MTUS1: variants seen among roughly 807,000 people sequenced by gnomAD.
MTUS1 encodes the protein microtubule associated scaffold protein 1.
Under a neutral mutation model 120.8 loss-of-function variants are expected in MTUS1, and 109 were observed. That is an observed-to-expected ratio of 0.90 (90% CI 0.77 to 1.06). The LOEUF (loss-of-function observed/expected upper bound fraction) is 1.06. Ranked by LOEUF, MTUS1 falls within the 50% of genes least tolerant of loss-of-function variation. MTUS1 has a pLI of 0.00. For synonymous variants in MTUS1, 737 were observed against 550.5 expected, an observed-to-expected ratio of 1.34 and a Z score of -4.74; for missense variants, 2,210 against 1,486.3, an observed-to-expected ratio of 1.49 and a Z score of -8.01.
chr8:17,729,568 GCTATT>G (rs937326172), intron 3 of MTUS1, among the ~76,000 whole-genome samples: 2 of 152,110 alleles, frequency 1.3e-5, no homozygotes, highest in African/African-American at 2.4e-5. Context: ...TCAAAAAAGT[GCTATT>G]CTATTGTGAA....
At chr8:17,694,959 C>G (rs898919668) in intron 6 of MTUS1, among the ~76,000 whole-genome samples, 8 of 152,112 alleles carry the variant, frequency 5.3e-5, no homozygotes, top group African/African-American at 1.9e-4. Context: ...GGGCTATTCA[C>G]TTGGTCACCA....
intron 6 of MTUS1, among the ~76,000 whole-genome samples, chr8:17,695,008 G>C (rs1439424632): frequency 6.6e-6 from 1 of 152,060 alleles, no homozygotes; most frequent in East Asian, 1.9e-4. Context: ...TTGGGATCCA[G>C]GTCAACACCA....
At chr8:17,735,989 C>A (rs1464623016) in intron 3 of MTUS1, among the ~76,000 whole-genome samples, 4 of 152,178 alleles carry the variant, frequency 2.6e-5, no homozygotes, top group Non-Finnish European at 5.9e-5. Flanking sequence ...TGCTTAGACA[C>A]CCCCTTATCC....
chr8:17,708,063 T>C (rs916065567), intron 6 of MTUS1, among the ~76,000 whole-genome samples: 2 of 152,114 alleles, frequency 1.3e-5, no homozygotes, highest in African/African-American at 4.8e-5. Context: ...GTTTCTGAGA[T>C]ACAATACCAA....
At chr8:17,759,048 A>AT (rs2048839753) in intron 1 of MTUS1, among the ~76,000 whole-genome samples, 1 of 148,490 alleles carries the variant, frequency 6.7e-6, no homozygotes, top group Non-Finnish European at 1.5e-5. Flanking sequence ...TGCCCGGCTC[A>AT]TTTTCTGTAT....
At chr8:17,742,822 C>T (rs868061839) in intron 3 of MTUS1, among the ~76,000 whole-genome samples, 2 of 152,306 alleles carry the variant, frequency 1.3e-5, no homozygotes, top group Middle Eastern at 3.4e-3. Flanking sequence ...AACATTCTCA[C>T]GTGTGTGGAC....
chr8:17,689,371 C>A (rs1373315215), intron 6 of MTUS1, among the ~76,000 whole-genome samples: 1 of 140,432 alleles, frequency 7.1e-6, no homozygotes, highest in Non-Finnish European at 1.5e-5. Flanking sequence ...GGTTCTACTT[C>A]TTTTCTTCAC....
chr8:17,765,121 C>T (rs1005899146), intron 1 of MTUS1, among the ~76,000 whole-genome samples: 8 of 152,126 alleles, frequency 5.3e-5, no homozygotes, highest in East Asian at 1.9e-4. Flanking sequence ...CTCGCATGCA[C>T]AGTTCACAAT....
At chr8:17,780,295 C>T (rs1433343393) in intron 1 of MTUS1, among the ~76,000 whole-genome samples, 4 of 152,190 alleles carry the variant, frequency 2.6e-5, no homozygotes, top group Admixed American at 6.5e-5. Flanking sequence ...AAGCTGCCTG[C>T]GGCCTCATCA....
intron 3 of MTUS1, among the ~76,000 whole-genome samples, chr8:17,732,229 C>T (rs1229866435): frequency 6.6e-6 from 1 of 152,212 alleles, no homozygotes; most frequent in Admixed American, 6.5e-5. Context: ...ATCGTCAAAC[C>T]TGGAACAGCC....
chr8:17,703,940 C>A (rs1254674912), intron 6 of MTUS1: 1 of 152,232 alleles, frequency 6.6e-6, no homozygotes, highest in Non-Finnish European at 1.5e-5. Context: ...TACACCCTCT[C>A]CCCTTTTCAA....
chr8:17,657,340 G>T lies in MTUS1; in HGVS notation c.2906-1275C>A, dbSNP rs368786969. 2.0e-5 allele frequency among the ~76,000 whole-genome samples: 3 copies of T among 151,198 alleles called. No individual in the cohort carries two copies. In the South Asian group the frequency reaches 6.3e-4, roughly 32 times the overall value. ...TCCCAGCACTTTGGGAGGCCGAGGC[G>T]GGCGGATCACGAGGTCAGGAGATCG... On this transcript the variant is annotated intron_variant, in intron 8 of 14. Transcript: ENST00000693296.
At chr8:17,696,612 T>TAA (rs1818021847) in intron 6 of MTUS1, among the ~76,000 whole-genome samples, 1 of 152,200 alleles carries the variant, frequency 6.6e-6, no homozygotes, top group African/African-American at 2.4e-5. Context: ...ACCACGTGCC[T>TAA]AAAATATATA....
chr8:17,676,056 A>C lies in MTUS1; in HGVS notation c.2839-804T>G, dbSNP rs1359174252. On this transcript the variant is annotated intron_variant, in intron 7 of 14. Coordinates refer to ENST00000693296, the MANE Select transcript of MTUS1 (RefSeq NM_001363059.2). The stretch of plus-strand genomic sequence containing the variant: ...CTAGCACCAGGGAGTAACTAAAAAA[A>C]AAATGAAGAATTTCAAAGCTCGCTG... 1.0e-5 allele frequency: 6 copies of C among 575,360 alleles called. No individual in the cohort carries two copies. In the Admixed American group the frequency reaches 1.2e-4, roughly 12 times the overall value. 35.6% of individuals were successfully genotyped at this position (575,360 alleles called of 1,614,324 possible).
intron 3 of MTUS1, among the ~76,000 whole-genome samples, chr8:17,741,610 A>T (rs2047323641): frequency 1.3e-5 from 2 of 152,236 alleles, no homozygotes; most frequent in Non-Finnish European, 2.9e-5. Flanking sequence ...AACACAGAGT[A>T]AAAGGACTTA....
chr8:17,728,275 C>G (rs1422893253), intron 3 of MTUS1, among the ~76,000 whole-genome samples: 2 of 152,074 alleles, frequency 1.3e-5, no homozygotes, highest in Non-Finnish European at 2.9e-5. Flanking sequence ...CCACACCCGG[C>G]TAATTTTTTT....
chr8:17,663,035 G>C (rs549046212), intron 8 of MTUS1, among the ~76,000 whole-genome samples: 1 of 152,010 alleles, frequency 6.6e-6, no homozygotes, highest in Admixed American at 6.6e-5. Context: ...CTCCCTGACA[G>C]TTTAAATCAT....
At chr8:17,751,231 A>G (rs762089187) in intron 2 of MTUS1, among the ~76,000 whole-genome samples, 6 of 151,930 alleles carry the variant, frequency 3.9e-5, no homozygotes, top group Admixed American at 6.6e-5. Context: ...CCTGGGAGGC[A>G]GAGGTTGCAG....
rs2048572095 is a variant in MTUS1 at position 17,755,869 on chromosome 8, G to C, written c.-62C>G. ...CTTCTTCAATTCCTTTTAAATGAGA[G>C]GGTGGGCAAAATGGTCTGTCTTCTA... On this transcript the variant is annotated 5_prime_UTR_variant, in exon 2 of 15. Coordinates refer to ENST00000693296, the MANE Select transcript of MTUS1 (RefSeq NM_001363059.2). 6.5e-7 allele frequency: 1 copy of C among 1,541,512 alleles called. No individual in the cohort carries two copies. The highest frequency in any genetic ancestry group is 8.7e-7 in the Non-Finnish European group (1 of 1,149,920).
Sources: gnomAD v4.1 joint callset for allele counts (sites outside exome capture counted in the v4.1 genomes callset) on GRCh38, gnomAD v4.1.1 for gene constraint, MANE v1.5 for transcripts, NCBI Gene and HGNC (gene_info 2026-07-23, HGNC 2026-07-21) for gene names.